The following KIAA0513 variants were observed in gnomAD, a reference collection of about 807,000 sequenced individuals.
KIAA0513 encodes uncharacterized protein KIAA0513.
A neutral mutation model predicts 56.5 loss-of-function variants in KIAA0513; 39 were observed. The ratio of observed to expected loss-of-function variants is 0.69; its 90% confidence interval spans 0.53 to 0.90. The LOEUF (loss-of-function observed/expected upper bound fraction) is 0.90. Ranked by LOEUF, KIAA0513 falls within the 40% of genes least tolerant of loss-of-function variation. The pLI, the probability that KIAA0513 is intolerant of heterozygous loss-of-function variation, is 0.00. For synonymous variants in KIAA0513, 268 were observed against 215.6 expected, an observed-to-expected ratio of 1.24 and a Z score of -2.13; for missense variants, 591 against 535.2, an observed-to-expected ratio of 1.10 and a Z score of -1.03.
At position 85,076,136 on chromosome 16, in the gene KIAA0513, G is replaced by A. The variant is rs990033583; in HGVS notation, c.574+222G>A. ...GTACGAAGGAAACTCTCCTGGGGCA[G>A]TAGGTTGACTGACCAGGGTGCAAAG... On this transcript the variant is annotated intron_variant, in intron 5 of 12. Transcript: ENST00000683363. The surrounding 1 kb of genome is among the most constrained non-coding windows in gnomAD (Gnocchi z 4.7). 5.3e-5 allele frequency among the ~76,000 whole-genome samples: 8 copies of A among 151,022 alleles called. No individual in the cohort carries two copies. Among genetic ancestry groups the A allele is most frequent in the Non-Finnish European group, 8.8e-5 (6 of 68,028 alleles).
intron 3 of KIAA0513, 55 bp from the exon 4 acceptor site, chr16:85,072,870 A>C: frequency 7.2e-6 from 11 of 1,525,118 alleles, no homozygotes; most frequent in Non-Finnish European, 1.0e-5. Flanking sequence ...AGCTTCACTG[A>C]GTGCTGCGTG....
intron 1 of KIAA0513, among the ~76,000 whole-genome samples, chr16:85,045,032 G>A (rs936962547): frequency 2.6e-5 from 4 of 152,000 alleles, no homozygotes; most frequent in African/African-American, 7.2e-5. Context: ...GCAGGAGAAC[G>A]GCGTGAACCT....
intron 1 of KIAA0513, among the ~76,000 whole-genome samples, chr16:85,061,841 G>A (rs2073409569): frequency 6.6e-6 from 1 of 152,200 alleles, no homozygotes; most frequent in African/African-American, 2.4e-5. Flanking sequence ...AGGGGTTGCA[G>A]CAGGAGGTTA....
intron 1 of KIAA0513, among the ~76,000 whole-genome samples, chr16:85,048,743 C>G (rs1474342248): frequency 6.6e-6 from 1 of 152,086 alleles, no homozygotes; most frequent in Non-Finnish European, 1.5e-5. Flanking sequence ...GACTGTGTCT[C>G]CAAATTCTAC....
chr16:85,046,722 G>A (rs1199442595), intron 1 of KIAA0513, among the ~76,000 whole-genome samples: 1 of 152,158 alleles, frequency 6.6e-6, no homozygotes, highest in Non-Finnish European at 1.5e-5. Context: ...TTCTGCCGTT[G>A]AGCCTATCTA....
chr16:85,091,902 C>T lies in KIAA0513; in HGVS notation c.*3577C>T, dbSNP rs552007002. 38 of 151,434 alleles carry T rather than the reference C, an allele frequency of 2.5e-4. No homozygotes were observed. Among genetic ancestry groups the T allele is most frequent in the African/African-American group, 9.0e-4 (37 of 41,204 alleles). The allele number at this position is 151,434 out of a possible 1,614,324, so 9.4% of individuals were successfully genotyped here. A position where few individuals can be genotyped will look rare whatever the true frequency, so the allele number is the denominator to read the frequency against. On this transcript the variant is annotated 3_prime_UTR_variant, in exon 13 of 13. Transcript: ENST00000683363. ...AGCTGGAAGCCAGGGCTGGAAGCTA[C>T]AGGCCTGACCTTCCTGGGTCCCACT...
At chr16:85,064,742 A>G (rs1235580268) in intron 1 of KIAA0513, among the ~76,000 whole-genome samples, 2 of 151,934 alleles carry the variant, frequency 1.3e-5, no homozygotes, top group African/African-American at 2.4e-5. Context: ...CTGGAGTGCA[A>G]TGGCACCATC....
chr16:85,060,406 T>TGGTG (rs1254904727), intron 1 of KIAA0513, among the ~76,000 whole-genome samples: 1 of 152,100 alleles, frequency 6.6e-6, no homozygotes. Context: ...GAGACACAGG[T>TGGTG]GGTGTCTCGG....
At chr16:85,059,405 T>C (rs1341770557) in intron 1 of KIAA0513, among the ~76,000 whole-genome samples, 1 of 152,208 alleles carries the variant, frequency 6.6e-6, no homozygotes, top group African/African-American at 2.4e-5. Flanking sequence ...CTGTGCCTCA[T>C]GTAGTGAGGA....
chr16:85,078,370 G>A, intron 6 of KIAA0513, 45 bp from the exon 7 acceptor site: 1 of 1,609,342 alleles, frequency 6.2e-7, no homozygotes, highest in Non-Finnish European at 8.5e-7. Flanking sequence ...TTGAGAAAGT[G>A]TGGTGTGAGT....
intron 1 of KIAA0513, among the ~76,000 whole-genome samples, chr16:85,057,782 T>TC (rs937350914): frequency 1.4e-4 from 21 of 151,638 alleles, no homozygotes; most frequent in Non-Finnish European, 1.9e-4. Flanking sequence ...TTTTTTTTTT[T>TC]TCTCTCTCTC....
chr16:85,049,011 G>A (rs1326807781), intron 1 of KIAA0513, among the ~76,000 whole-genome samples: 3 of 152,192 alleles, frequency 2.0e-5, no homozygotes, highest in Non-Finnish European at 4.4e-5. Context: ...GCCTGATTAG[G>A]GCAGAAGTTC....
intron 2 of KIAA0513, among the ~76,000 whole-genome samples, chr16:85,068,630 C>T (rs60087233): frequency 0.02 from 3,100 of 152,176 alleles, 88 homozygotes; most frequent in African/African-American, 0.067. Flanking sequence ...CCACGCCTGG[C>T]CAGTTTTTGT....
At chr16:85,045,468 G>A (rs927779221) in intron 1 of KIAA0513, among the ~76,000 whole-genome samples, 5 of 152,160 alleles carry the variant, frequency 3.3e-5, no homozygotes, top group African/African-American at 1.2e-4. Context: ...TGATTCTCCT[G>A]CCTCAGCCTC....
chr16:85,063,647 T>C (rs2073437425), intron 1 of KIAA0513: 1 of 152,190 alleles, frequency 6.6e-6, no homozygotes, highest in Non-Finnish European at 1.5e-5. Context: ...AGACAGTGAC[T>C]TGTTTCCTTT....
chr16:85,067,378 G>A lies in KIAA0513; in HGVS notation c.307G>A (p.Val103Met), dbSNP rs1366593033. Residue 103 changes from valine (V) to methionine (M), a missense_variant, in exon 2 of 13, where the codon GTG (valine) becomes ATG (methionine). By Grantham distance (21) the Val-to-Met change is conservative (BLOSUM62 1). Transcript: ENST00000683363. ...LALRDFMRGY[V>M]EKIFSGGEDL... ...ACTCAGGGACTTCATGCGTGGCTACGTGGAGAAGATCTTCTCTGGAGGGTA... is the reference window on the plus strand; with the variant it reads ...ACTCAGGGACTTCATGCGTGGCTACATGGAGAAGATCTTCTCTGGAGGGTA... The A allele has an allele frequency of 6.9e-6, 11 of 1,603,994 alleles. No homozygotes were observed. The highest frequency in any genetic ancestry group is 5.0e-5 in the Admixed American group (3 of 59,962).
At chr16:85,072,857 T>G in intron 3 of KIAA0513, 68 bp from the exon 4 acceptor site, 5 of 1,461,594 alleles carry the variant, frequency 3.4e-6, no homozygotes, top group Non-Finnish European at 4.8e-6. Context: ...GTGCAAAGCC[T>G]GCAGCTTCAC....
rs769164716 is a variant in KIAA0513 at position 85,052,104 on chromosome 16, G to A, written c.-172-14796G>A. On this transcript the variant is annotated intron_variant, in intron 1 of 12. Transcript: ENST00000683363. ...TGGGAGGCCAAGGCAGGCAGATCAC[G>A]AGGTCAACAGATCGAGACCGTCCTG... Among the ~76,000 whole-genome samples, 23 of 152,148 alleles carry A rather than the reference G, an allele frequency of 1.5e-4. 1 individual carries two copies. The highest frequency in any genetic ancestry group is 6.8e-3 in the Middle Eastern group (2 of 294).
chr16:85,054,334 G>A (rs1041261596), intron 1 of KIAA0513, among the ~76,000 whole-genome samples: 1 of 151,204 alleles, frequency 6.6e-6, no homozygotes, highest in African/African-American at 2.4e-5. Flanking sequence ...AAAATACTTC[G>A]AAAGCTTCTT....
Sources: allele counts gnomAD v4.1 joint callset (sites outside exome capture counted in the v4.1 genomes callset), GRCh38; gene constraint gnomAD v4.1.1; non-coding constraint Gnocchi (gnomAD v3.1); transcripts MANE v1.5; gene names NCBI Gene and HGNC (gene_info 2026-07-23, HGNC 2026-07-21).